Variants in TYW1 observed in about 807,000 individuals in gnomAD.
TYW1 encodes tRNA-yW synthesizing protein 1 homolog.
A neutral mutation model predicts 96.2 loss-of-function variants in TYW1; 46 were observed. That is an observed-to-expected ratio of 0.48 (90% confidence interval 0.38 to 0.61). The LOEUF (loss-of-function observed/expected upper bound fraction) is 0.61, where lower values mean the gene tolerates loss of function less well. TYW1 is among the 20% of genes least tolerant of loss of function. TYW1 has a pLI of 0.00. For missense variants in TYW1, 684 were observed against 909.6 expected, an observed-to-expected ratio of 0.75 and a Z score of 3.19; for synonymous variants, 274 against 323.0, an observed-to-expected ratio of 0.85 and a Z score of 1.63.
intron 7 of TYW1, among the ~76,000 whole-genome samples, 165 bp downstream of exon 7, chr7:67,025,187 A>G (rs868199404): frequency 2.7e-4 from 41 of 152,122 alleles, no homozygotes; most frequent in Middle Eastern, 3.4e-3. Context: ...GAGCGTGGTG[A>G]GCATCTCCCT....
chr7:67,006,350 GT>G (rs1562961769), intron 3 of TYW1, among the ~76,000 whole-genome samples: 1 of 151,418 alleles, frequency 6.6e-6, no homozygotes, highest in Non-Finnish European at 1.5e-5. Flanking sequence ...AGCAGATGCC[GT>G]TACACTTCCT....
chr7:67,082,679 G>T (rs1397151536), intron 10 of TYW1, among the ~76,000 whole-genome samples: 1 of 152,024 alleles, frequency 6.6e-6, no homozygotes, highest in African/African-American at 2.4e-5. Flanking sequence ...ACACTGGGGA[G>T]CTGGTCCTTG....
chr7:67,032,410 G>A (rs1478778304), intron 7 of TYW1, among the ~76,000 whole-genome samples: 3 of 152,072 alleles, frequency 2.0e-5, no homozygotes, highest in Admixed American at 6.6e-5. Context: ...CTTAAGCCCA[G>A]GAGTTTGAGA....
chr7:67,064,967 TG>T, intron 9 of TYW1, among the ~76,000 whole-genome samples: 1 of 152,338 alleles, frequency 6.6e-6, no homozygotes, highest in Admixed American at 6.5e-5. Flanking sequence ...CTTAAACATT[TG>T]GAGACATCAT....
intron 6 of TYW1, among the ~76,000 whole-genome samples, chr7:67,023,530 G>A (rs905243834): frequency 6.6e-6 from 1 of 152,098 alleles, no homozygotes; most frequent in Non-Finnish European, 1.5e-5. Flanking sequence ...CAATTTGGGA[G>A]GCTGAGGCGG....
At chr7:67,150,366 C>G (rs1396838668) in intron 13 of TYW1, among the ~76,000 whole-genome samples, 1 of 152,128 alleles carries the variant, frequency 6.6e-6, no homozygotes, top group South Asian at 2.1e-4. Context: ...AAAACAAAAC[C>G]CAAAACAAAA....
intron 11 of TYW1, among the ~76,000 whole-genome samples, chr7:67,090,425 T>G (rs137884985): frequency 7.2e-5 from 11 of 152,340 alleles, no homozygotes; most frequent in African/African-American, 2.4e-4. Flanking sequence ...GTTATTTGGT[T>G]TATCGCTATG....
At chr7:67,017,601 A>G (rs957717992) in intron 5 of TYW1, among the ~76,000 whole-genome samples, 2 of 151,988 alleles carry the variant, frequency 1.3e-5, no homozygotes, top group African/African-American at 4.8e-5. Flanking sequence ...CCTTCATTTG[A>G]TAAAGGGGGT....
At chr7:67,152,956 A>G (rs1174071564) in intron 13 of TYW1, among the ~76,000 whole-genome samples, 4 of 152,106 alleles carry the variant, frequency 2.6e-5, no homozygotes, top group Non-Finnish European at 2.9e-5. Flanking sequence ...AACTGAGCTT[A>G]TTGTCTCTGT....
chr7:67,111,205 A>T (rs1330303585), intron 12 of TYW1, among the ~76,000 whole-genome samples: 3 of 151,992 alleles, frequency 2.0e-5, no homozygotes, highest in African/African-American at 7.2e-5. Context: ...GCATTTTCTT[A>T]TCCTTTTTTT....
At chr7:67,173,058 A>G (rs963223530) in intron 13 of TYW1, among the ~76,000 whole-genome samples, 1 of 152,232 alleles carries the variant, frequency 6.6e-6, no homozygotes, top group Non-Finnish European at 1.5e-5. Context: ...AAAAAAATTA[A>G]AAACAAAATA....
At chr7:67,129,151 C>G (rs941484577) in intron 13 of TYW1, among the ~76,000 whole-genome samples, 12 of 152,306 alleles carry the variant, frequency 7.9e-5, no homozygotes, top group African/African-American at 2.9e-4. Context: ...TTGGGTATTT[C>G]TCTTCCACTT....
In TYW1 at chr7:67,188,683, G is replaced by A. The variant is rs148267502; in HGVS notation, c.1809+5447G>A. Among the ~76,000 whole-genome samples, 154 of 152,234 alleles carry A rather than the reference G, an allele frequency of 1.0e-3. 4 individuals carry two copies. Among genetic ancestry groups the A allele is most frequent in the African/African-American group, 3.4e-3 (143 of 41,550 alleles). ...TGGAAGGCTTGTTCCCTACCCGTGC[G>A]TTTGGTAAAAAGGAAAAGTCTCTCC... On this transcript the variant is annotated intron_variant, in intron 14 of 15. Coordinates refer to ENST00000359626, the MANE Select transcript of TYW1 (RefSeq NM_018264.4).
intron 14 of TYW1, among the ~76,000 whole-genome samples, chr7:67,188,237 T>C (rs1800091093): frequency 6.6e-6 from 1 of 152,138 alleles, no homozygotes; most frequent in Non-Finnish European, 1.5e-5. Flanking sequence ...TGAGAATCAC[T>C]TGAATCCAGG....
intron 8 of TYW1, among the ~76,000 whole-genome samples, chr7:67,053,530 C>T (rs1342596219): frequency 6.6e-6 from 1 of 152,052 alleles, no homozygotes; most frequent in Non-Finnish European, 1.5e-5. Flanking sequence ...CATGCATACG[C>T]CACCACGCCT....
intron 13 of TYW1, among the ~76,000 whole-genome samples, chr7:67,167,318 A>G (rs1799369547): frequency 6.6e-6 from 1 of 151,950 alleles, no homozygotes; most frequent in Admixed American, 6.6e-5. Flanking sequence ...AAATACAAAA[A>G]ATTAGCCGGG....
intron 13 of TYW1, among the ~76,000 whole-genome samples, chr7:67,121,812 T>G (rs1334867049): frequency 6.6e-6 from 1 of 151,350 alleles, no homozygotes; most frequent in Non-Finnish European, 1.5e-5. Flanking sequence ...TTTTTAACTC[T>G]TGGCAAGTAC....
intron 7 of TYW1, among the ~76,000 whole-genome samples, chr7:67,029,733 C>T (rs1794611512): frequency 6.6e-6 from 1 of 152,124 alleles, no homozygotes; most frequent in Non-Finnish European, 1.5e-5. Context: ...CAGAGTCTCA[C>T]TCCTTCATCC....
chr7:67,067,931 G>A (rs1795916719), intron 10 of TYW1, among the ~76,000 whole-genome samples: 1 of 151,838 alleles, frequency 6.6e-6, no homozygotes, highest in Non-Finnish European at 1.5e-5. Context: ...ATTGGGAATA[G>A]TTTAAGTGAA....
Sources: allele counts gnomAD v4.1 joint callset (sites outside exome capture counted in the v4.1 genomes callset), GRCh38; gene constraint gnomAD v4.1.1; transcripts MANE v1.5; gene names NCBI Gene and HGNC (gene_info 2026-07-23, HGNC 2026-07-21).